The following OPLAH variants were observed in gnomAD, a reference collection of about 807,000 sequenced individuals.
OPLAH encodes the protein 5-oxoprolinase.
In OPLAH, 103 loss-of-function variants were observed where a neutral mutation model predicts 122.8. That is an observed-to-expected ratio of 0.84 (90% CI 0.71 to 0.99). The LOEUF (loss-of-function observed/expected upper bound fraction) is 0.99. OPLAH is among the 50% of genes least tolerant of loss of function. The pLI is 0.00. For synonymous variants in OPLAH, 875 were observed against 796.0 expected (o/e 1.10, Z -1.67); for missense variants, 1,902 against 1,836.5 (o/e 1.04, Z -0.65).
In OPLAH at chr8:144,053,195, G is replaced by T; in HGVS notation, c.2871+14C>A. 6.2e-7 allele frequency: 1 copy of T among 1,611,664 alleles called. No homozygotes were observed. The highest frequency in any genetic ancestry group is 1.1e-5 in the South Asian group (1 of 90,864). On this transcript the variant is annotated intron_variant, in intron 20 of 26. Transcript: ENST00000618853. ...GGATGGCCCTGCCGCCCACACTCCT[G>T]TGCCCAGGCCCACCTGAATATGGCC...
In OPLAH at chr8:144,058,134, C is replaced by T; in HGVS notation, c.964G>A (p.Val322Met). The change falls in exon 8 of 27, where the codon GTG (valine) becomes ATG (methionine). Residue 322 changes from valine to methionine, a missense_variant. Val to Met is a conservative substitution (Grantham distance 21, BLOSUM62 1). This residue lies in a region of OPLAH where 1,726 missense variants were observed against 1,642.1 expected (regional missense o/e 1.05). Transcript: ENST00000618853. The stretch of plus-strand genomic sequence containing the variant: ...TCGAATTCCCCAGCATAGCGGCTCA[C>T]ATCCGTGGACGTGCCTGGCAGGGGT... ...GFDMGGTSTD[V>M]SRYAGEFEHV... The T allele has an allele frequency of 1.2e-6, 2 of 1,612,456 alleles. No individual in the cohort carries two copies. The highest frequency in any genetic ancestry group is 1.1e-5 in the South Asian group (1 of 91,078).
At position 144,059,898 on chromosome 8, in the gene OPLAH, G is replaced by A. The variant is rs373510142; in HGVS notation, c.135C>T (p.Asp45=). Residue 45 remains aspartate, a synonymous_variant, in exon 2 of 27, where the codon GAC becomes GAT. Coordinates refer to ENST00000618853, the MANE Select transcript of OPLAH (RefSeq NM_017570.5). ...LLSEDPANYA[D]APTEGIRRIL... Reference sequence around the variant, plus strand: ...TGCGGCGGATGCCTTCGGTTGGCGCGTCCGCATAGTTGGCAGGGTCCTCTG... The same window carrying A: ...TGCGGCGGATGCCTTCGGTTGGCGCATCCGCATAGTTGGCAGGGTCCTCTG... 65 of 1,612,654 alleles carry A rather than the reference G, an allele frequency of 4.0e-5. No homozygotes were observed. Among genetic ancestry groups the A allele is most frequent in the Admixed American group, 1.2e-4 (7 of 60,004 alleles).
Position 144,052,746 on chromosome 8 carries a change from G to T in OPLAH, c.3153+20C>A, listed in dbSNP as rs782310020. 5.8e-6 allele frequency: 9 copies of T among 1,561,020 alleles called. No homozygotes were observed. Among genetic ancestry groups the T allele is most frequent in the Non-Finnish European group, 7.8e-6 (9 of 1,153,526 alleles). On this transcript the variant is annotated intron_variant, in intron 22 of 26. Transcript: ENST00000618853. ...TGACCTCGGGCTGGGGCCCCCCCTC[G>T]CGCACACACCCCTGCGAACCTGGTT...
Position 144,059,997 on chromosome 8 carries a change from G to A in OPLAH, c.36C>T (p.Ile12=), listed in dbSNP as rs532622317. ...GSPEGRFHFA[I]DRGGTFTDVF... ...CGTCTGTGAAGGTACCCCCACGGTC[G>A]ATGGCAAAGTGGAAGCGGCCCTCGG... is the stretch of plus-strand genomic sequence containing the variant. Residue 12 remains isoleucine (I), a synonymous_variant, in exon 2 of 27, where the codon ATC becomes ATT. Coordinates refer to ENST00000618853, the MANE Select transcript of OPLAH (RefSeq NM_017570.5). 8.7e-5 allele frequency: 141 copies of A among 1,612,682 alleles called. No homozygotes were observed. The African/African-American group carries it at 1.3e-3, about 14-fold the overall frequency.
chr8:144,056,451 G>A lies in OPLAH; in HGVS notation c.1917C>T (p.Thr639=), dbSNP rs782349421. The A allele has an allele frequency of 1.9e-5, 31 of 1,610,566 alleles. No homozygotes were observed. The highest frequency in any genetic ancestry group is 1.0e-4 in the Admixed American group (6 of 59,770). ...CCTCGAGGCGAAGACCACTGCGGCC[G>A]GTGCCCCGCACTCGCACATCGTCCA... ...VVVDDVRVRG[T]GRSGLRLEDA... is the part of the protein sequence containing the mutation. Residue 639 remains threonine (T), a synonymous_variant, in exon 14 of 27, where the codon ACC becomes ACT. Coordinates refer to ENST00000618853, the MANE Select transcript of OPLAH (RefSeq NM_017570.5).
Position 144,052,248 on chromosome 8 carries a change from G to A in OPLAH, c.3382C>T (p.Pro1128Ser), listed in dbSNP as rs1348863276. 2 of 1,548,812 alleles carry A rather than the reference G, an allele frequency of 1.3e-6. No homozygotes were observed. The highest frequency in any genetic ancestry group is 1.7e-6 in the Non-Finnish European group (2 of 1,152,560). The change falls in exon 24 of 27, where the codon CCC becomes TCC. Residue 1128 changes from proline (P) to serine (S), a missense_variant. Pro to Ser is a moderately conservative substitution (Grantham distance 74, BLOSUM62 -1). Around this residue, in one of 3 missense-constraint regions of OPLAH, gnomAD observed 1,726 missense variants for 1,642.1 expected, o/e 1.05. Transcript: ENST00000618853. ...ETVAGGAGAG[P>S]SWHGRSGVHS... is the part of the protein sequence containing the mutation. ...ACACCGCTGCGCCCGTGCCAGCTGG[G>A]ACCCGCGCCCGCGCCGCCCGCCACC...
At chr8:144,059,126 G>C (rs1275268529) in intron 3 of OPLAH, 47 bp from the exon 4 acceptor site, 2 of 1,472,390 alleles carry the variant, frequency 1.4e-6, no homozygotes, top group East Asian at 4.9e-5. Context: ...TGAGGGTCCA[G>C]GCCGGGGTCC....
chr8:144,058,603 C>T lies in OPLAH; in HGVS notation c.676G>A (p.Val226Met). 1.9e-6 allele frequency: 3 copies of T among 1,603,448 alleles called. No homozygotes were observed. The highest frequency in any genetic ancestry group is 2.5e-6 in the Non-Finnish European group (3 of 1,179,410). ...VSLSSEAMPM[V>M]RIVPRGHTAC... ...GTGTGCCCCCGAGGGACGATGCGCA[C>T]CATGGGCATGGCCTCCGAGGACAGT... Residue 226 changes from valine (V) to methionine (M), a missense_variant, in exon 6 of 27, where the codon GTG becomes ATG. Around this residue, in one of 3 missense-constraint regions of OPLAH, gnomAD observed 1,726 missense variants for 1,642.1 expected, o/e 1.05. Transcript: ENST00000618853.
At position 144,054,728 on chromosome 8, in the gene OPLAH, C is replaced by T. The variant is rs1022452376; in HGVS notation, c.2519G>A (p.Trp840Ter). Residue 840 changes from tryptophan to a stop codon, truncating the protein, a stop_gained, in exon 19 of 27, where the codon TGG becomes TAG. Transcript: ENST00000618853. LOFTEE classifies it high-confidence loss of function. ...GAACACAGGCCGCGTCTGACCCGGC[C>T]AAAACACCTAGCGGGTGGAGAGCCA... Reference protein sequence around the residue: ...PDLTVITPVFWPGQTRPVFYV... With the variant: ...PDLTVITPVF The T allele has an allele frequency of 1.2e-6, 2 of 1,612,268 alleles. No homozygotes were observed. The highest frequency in any genetic ancestry group is 1.3e-5 in the African/African-American group (1 of 74,988).
chr8:144,053,162 C>A, intron 20 of OPLAH, 33 bp from the exon 21 acceptor site: 1 of 1,608,270 alleles, frequency 6.2e-7, no homozygotes, highest in Non-Finnish European at 8.5e-7. Context: ...GTGGCCAGGT[C>A]ACCTGCAGGA....
At position 144,052,806 on chromosome 8, in the gene OPLAH, CAGT is replaced by C; in HGVS notation, c.3110_3112del (p.Tyr1037del). ...GTCGCGGCCCACCAGACAGCGCAGG[CAGT>C]AGATGAGGGCGGACAGGGTTACGGC... On this transcript the variant is annotated inframe_deletion, in exon 22 of 27. Transcript: ENST00000618853. 6.4e-7 allele frequency: 1 copy of C among 1,562,932 alleles called. No homozygotes were observed. The highest frequency in any genetic ancestry group is 8.7e-7 in the Non-Finnish European group (1 of 1,154,674).
rs1554759263 is a variant in OPLAH, at chr8:144,056,716, G to A, written c.1746C>T (p.Tyr582=). 1 of 1,611,032 alleles carries A rather than the reference G, an allele frequency of 6.2e-7. No individual in the cohort carries two copies. Among genetic ancestry groups the A allele is most frequent in the African/African-American group, 1.3e-5 (1 of 74,902 alleles). ...ISTESFLHLR[Y]QGTDCALMVS... ...CCATCAGAGCACAGTCCGTGCCCTG[G>A]TAGCGCAGGTGCAGGAAGCTCTCAG... The change falls in exon 13 of 27, where the codon TAC becomes TAT. Residue 582 remains tyrosine (Y), a synonymous_variant. Coordinates refer to ENST00000618853, the MANE Select transcript of OPLAH (RefSeq NM_017570.5).
rs782299905 is a variant in OPLAH, at chr8:144,051,775, C to G, written c.3674G>C (p.Arg1225Pro). ...CGTCTTGCCGCCCAGATTCACCGTC[C>G]GGCCGTTTTTGCGGATCAGCAGGTT... is the stretch of plus-strand genomic sequence containing the variant. Reference protein sequence around the residue: ...GLNLLIRKNGRTVNLGGKTSV... With the variant: ...GLNLLIRKNGPTVNLGGKTSV... Residue 1225 changes from arginine (R) to proline (P), a missense_variant, in exon 26 of 27, where the codon CGG becomes CCG. Arg to Pro is a moderately radical substitution (Grantham distance 103). Coordinates refer to ENST00000618853, the MANE Select transcript of OPLAH (RefSeq NM_017570.5). 2 of 1,606,870 alleles carry G rather than the reference C, an allele frequency of 1.2e-6. No homozygotes were observed. The highest frequency in any genetic ancestry group is 4.5e-5 in the East Asian group (2 of 44,686).
chr8:144,050,929 G>A (rs1835357691), downstream of OPLAH: 3 of 1,018,772 alleles, frequency 2.9e-6, no homozygotes, highest in African/African-American at 1.7e-5. Flanking sequence ...TGATGACACC[G>A]CCCCCCTACC....
In OPLAH at chr8:144,058,547, G is replaced by A. The variant is rs782024060; in HGVS notation, c.732C>T (p.Ala244=). Residue 244 remains alanine (A), a synonymous_variant, in exon 6 of 27, where the codon GCC becomes GCT. Transcript: ENST00000618853. The part of the protein sequence containing the change: ...TACADAYLTP[A]IQRYVQGFCR... ...AGAAGCCCTGCACGTAGCGCTGGAT[G>A]GCGGGCGTGAGGTAGGCGTCGGCAC... is the stretch of plus-strand genomic sequence containing the variant. 83 of 1,599,448 alleles carry A rather than the reference G, an allele frequency of 5.2e-5. 2 individuals are homozygous for A. In the South Asian group the frequency reaches 8.9e-4, roughly 17 times the overall value.
At chr8:144,058,455 C>T in intron 6 of OPLAH, 41 bp downstream of exon 6, 1 of 1,580,214 alleles carries the variant, frequency 6.3e-7, no homozygotes, top group Non-Finnish European at 8.6e-7. Flanking sequence ...GGCCCAGGCC[C>T]AGGCCCAGGA....
intron 8 of OPLAH, 36 bp from the exon 9 acceptor site, chr8:144,057,959 C>A (rs367836585): frequency 6.2e-7 from 1 of 1,611,760 alleles, no homozygotes; most frequent in Non-Finnish European, 8.5e-7. Context: ...GAGTTGGACA[C>A]GAGGAGGGAG....
In OPLAH at chr8:144,057,242, G is replaced by A. The variant is rs147294871; in HGVS notation, c.1501C>T (p.Arg501Trp). 224 of 1,612,292 alleles carry A rather than the reference G, an allele frequency of 1.4e-4. No individual in the cohort carries two copies. In the African/African-American group the frequency reaches 2.4e-3, roughly 17 times the overall value. Reference sequence around the variant, plus strand: ...TGCACCGTGTCCATGCCCAGGGCCCGGGCGATGGCACATGCATGCTGCCCA... The same window carrying A: ...TGCACCGTGTCCATGCCCAGGGCCCAGGCGATGGCACATGCATGCTGCCCA... ...AGGQHACAIA[R>W]ALGMDTVHIH... The change falls in exon 11 of 27, where the codon CGG becomes TGG. Residue 501 changes from arginine to tryptophan, a missense_variant. By Grantham distance (101) the Arg-to-Trp change is moderately radical. Transcript: ENST00000618853.
Position 144,052,194 on chromosome 8 carries a change from T to C in OPLAH, c.3436A>G (p.Thr1146Ala). ...VHSHMTNTRI[T>A]DPEILESRYP... Reference sequence around the variant, plus strand: ...CGGCTCTCCAGGATCTCAGGGTCGGTGATGCGTGTGTTGGTCATGTGGCTG... The same window carrying C: ...CGGCTCTCCAGGATCTCAGGGTCGGCGATGCGTGTGTTGGTCATGTGGCTG... Residue 1146 changes from threonine to alanine, a missense_variant, in exon 24 of 27, where the codon ACC becomes GCC. Around this residue, in one of 3 missense-constraint regions of OPLAH, gnomAD observed 1,726 missense variants for 1,642.1 expected, o/e 1.05. Coordinates refer to ENST00000618853, the MANE Select transcript of OPLAH (RefSeq NM_017570.5). The C allele has an allele frequency of 6.3e-7, 1 of 1,579,846 alleles. No individual in the cohort carries two copies.
Sources: allele counts gnomAD v4.1 joint callset, GRCh38; gene constraint gnomAD v4.1.1; regional missense constraint gnomAD v4.1.1; transcripts MANE v1.5; gene names NCBI Gene and HGNC (gene_info 2026-07-23, HGNC 2026-07-21).